The following RBFOX1 variants were observed in gnomAD, a reference collection of about 807,000 sequenced individuals.
The protein encoded by RBFOX1 is RNA binding fox-1 homolog 1.
RBFOX1 carries 8 observed loss-of-function variants against 57.7 expected under a neutral mutation model. That is an observed-to-expected ratio of 0.14 (90% CI 0.08 to 0.25). The LOEUF is 0.25. Ranked by LOEUF, RBFOX1 falls within the 10% of genes least tolerant of loss-of-function variation. RBFOX1 has a pLI of 1.00. For synonymous variants in RBFOX1, 326 were observed against 222.4 expected (o/e 1.47, Z -4.15); for missense variants, 611 against 548.5 (o/e 1.11, Z -1.14).
intron 4 of RBFOX1, among the ~76,000 whole-genome samples, chr16:7,184,270 A>C (rs2083286457): frequency 6.6e-6 from 1 of 152,208 alleles, no homozygotes; most frequent in African/African-American, 2.4e-5. Context: ...TTTTAGTTTT[A>C]GGACAATAGG....
At chr16:7,186,994 CAAAAAA>C (rs35177784) in intron 4 of RBFOX1, among the ~76,000 whole-genome samples, 9 of 69,254 alleles carry the variant, frequency 1.3e-4, no homozygotes, top group East Asian at 8.6e-4. Context: ...CCCACCTCCA[CAAAAAA>C]AAAAAAAAAA....
At chr16:6,401,353 T>A (rs915935597) in intron 2 of RBFOX1, among the ~76,000 whole-genome samples, 2 of 152,088 alleles carry the variant, frequency 1.3e-5, no homozygotes, top group East Asian at 3.9e-4. Context: ...AATTAGAAAA[T>A]GAAAAATTCT....
At chr16:6,043,339 AG>A (rs1024928709) in intron 1 of RBFOX1, among the ~76,000 whole-genome samples, 3 of 152,110 alleles carry the variant, frequency 2.0e-5, no homozygotes, top group African/African-American at 7.2e-5. Context: ...GGTTCTTCAT[AG>A]ATTCAGAAAA....
chr16:6,855,992 T>C (rs2057815474), intron 3 of RBFOX1, among the ~76,000 whole-genome samples: 1 of 152,108 alleles, frequency 6.6e-6, no homozygotes, highest in Non-Finnish European at 1.5e-5. Flanking sequence ...TACAGGCCTA[T>C]TGATCCTCCA....
At chr16:7,138,459 G>C (rs1316743101) in intron 4 of RBFOX1, among the ~76,000 whole-genome samples, 1 of 152,138 alleles carries the variant, frequency 6.6e-6, no homozygotes, top group East Asian at 1.9e-4. Flanking sequence ...CAAAGCACCA[G>C]ACCCAACCAG....
intron 1 of RBFOX1, among the ~76,000 whole-genome samples, chr16:5,429,047 G>T (rs2067650161): frequency 6.6e-6 from 1 of 152,148 alleles, no homozygotes; most frequent in Non-Finnish European, 1.5e-5. Context: ...GAAGTTGCTA[G>T]GCTCTCCTGG....
chr16:5,709,833 ATATATATATATTTTTTTTTTTTTTTTTT>A (rs1203762040), intron 3 of RBFOX1, among the ~76,000 whole-genome samples: 1 of 7,174 alleles, frequency 1.4e-4, no homozygotes, highest in East Asian at 0.011. Context: ...ATATATATAT[ATATATATATATTTTTTTTTTTTTTTTTT>A]TTTTTTTTTT....
intron 1 of RBFOX1, among the ~76,000 whole-genome samples, chr16:6,091,057 A>G (rs2096165158): frequency 6.6e-6 from 1 of 152,214 alleles, no homozygotes; most frequent in African/African-American, 2.4e-5. Context: ...TCTGTTGGCA[A>G]CTTTTCAAAT....
At chr16:7,273,793 A>G (rs984208568) in intron 4 of RBFOX1, among the ~76,000 whole-genome samples, 2 of 152,192 alleles carry the variant, frequency 1.3e-5, no homozygotes, top group African/African-American at 2.4e-5. Flanking sequence ...TGTGTTGTTC[A>G]TAAACTTGTT....
chr16:5,742,244 C>T (rs1029599746), intron 3 of RBFOX1, among the ~76,000 whole-genome samples: 3 of 146,006 alleles, frequency 2.1e-5, no homozygotes, highest in African/African-American at 5.1e-5. Flanking sequence ...TCCTCCCTTC[C>T]TTCCTTCCTC....
At chr16:5,923,348 A>G (rs1369517416) in intron 4 of RBFOX1, among the ~76,000 whole-genome samples, 1 of 152,020 alleles carries the variant, frequency 6.6e-6, no homozygotes, top group Admixed American at 6.6e-5. Context: ...ACAAGGCTGG[A>G]AGGGGCCTCA....
intron 4 of RBFOX1, among the ~76,000 whole-genome samples, chr16:5,913,878 G>C (rs767620539): frequency 6.6e-6 from 1 of 152,214 alleles, no homozygotes; most frequent in Non-Finnish European, 1.5e-5. Flanking sequence ...TTGGATATAT[G>C]AATGACATCT....
chr16:5,701,587 A>C (rs1399603691), intron 3 of RBFOX1, among the ~76,000 whole-genome samples: 1 of 151,998 alleles, frequency 6.6e-6, no homozygotes, highest in Admixed American at 6.6e-5. Flanking sequence ...ACTGTACCAC[A>C]CCTGGCTAAT....
At chr16:5,735,963 T>G (rs2052555539) in intron 3 of RBFOX1, among the ~76,000 whole-genome samples, 1 of 152,034 alleles carries the variant, frequency 6.6e-6, no homozygotes, top group African/African-American at 2.4e-5. Flanking sequence ...AAGGCGCGGG[T>G]AGAGTACACA....
intron 2 of RBFOX1, among the ~76,000 whole-genome samples, chr16:6,504,292 A>T (rs890266542): frequency 2.0e-5 from 3 of 152,160 alleles, no homozygotes; most frequent in Admixed American, 2.0e-4. Context: ...TTTGCTTTGG[A>T]TTAAAGGCAC....
intron 1 of RBFOX1, among the ~76,000 whole-genome samples, chr16:5,427,906 C>T (rs1306635079): frequency 6.6e-6 from 1 of 152,196 alleles, no homozygotes; most frequent in East Asian, 1.9e-4. Context: ...CGTGGCCCAG[C>T]CAACTTGATG....
At chr16:7,036,210 T>TC (rs1264439891) in intron 3 of RBFOX1, among the ~76,000 whole-genome samples, 5 of 151,828 alleles carry the variant, frequency 3.3e-5, no homozygotes, top group Admixed American at 1.3e-4. Flanking sequence ...ACATTTTTTT[T>TC]TTTTTCCATG....
At chr16:7,646,168 A>G (rs552258525) in intron 11 of RBFOX1, among the ~76,000 whole-genome samples, 122 of 152,320 alleles carry the variant, frequency 8.0e-4, no homozygotes, top group African/African-American at 2.8e-3. Flanking sequence ...AGGAGAAAAC[A>G]TATTTTGCCA....
At chr16:7,363,923 G>A (rs1014411552) in intron 4 of RBFOX1, among the ~76,000 whole-genome samples, 2 of 152,108 alleles carry the variant, frequency 1.3e-5, no homozygotes, top group Admixed American at 6.5e-5. Flanking sequence ...GCAGAAGTGG[G>A]AAGAGGCATA....
Sources: gnomAD v4.1 joint callset for allele counts (sites outside exome capture counted in the v4.1 genomes callset) on GRCh38, gnomAD v4.1.1 for gene constraint, MANE v1.5 for transcripts, NCBI Gene and HGNC (gene_info 2026-07-23, HGNC 2026-07-21) for gene names.